The following DYNLT2 variants were observed in gnomAD, a reference collection of about 807,000 sequenced individuals.
DYNLT2 encodes dynein light chain Tctex-type protein 2.
A neutral mutation model predicts 24.3 loss-of-function variants in DYNLT2; 24 were observed. The ratio of observed to expected loss-of-function variants is 0.99; its 90% CI spans 0.71 to 1.39. DYNLT2 has a LOEUF of 1.39. Among genes scored for constraint, DYNLT2 ranks in the 40% most tolerant of loss-of-function variants. The pLI, the probability that DYNLT2 is intolerant of heterozygous loss-of-function variation, is 0.00. For missense variants in DYNLT2, 246 were observed against 234.5 expected, an observed-to-expected ratio of 1.05 and a Z score of -0.32; for synonymous variants, 85 against 85.4, an observed-to-expected ratio of 1.00 and a Z score of 0.03.
chr6:169,725,428 C>A, the DYNLT2 span: 1 of 397,794 alleles, frequency 2.5e-6, no homozygotes, highest in East Asian at 3.6e-5. Context: ...TGCCTCAGGT[C>A]AGAGAGGTCA....
In DYNLT2 at chr6:169,744,083, G is replaced by A; in HGVS notation, c.312C>T (p.Val104=). Residue 104 remains valine (V), a synonymous_variant, in exon 2 of 4, where the codon GTC becomes GTT. Coordinates refer to ENST00000366774, the MANE Select transcript of DYNLT2 (RefSeq NM_174910.3). ...ATCAACCTACTGTTAGTATCTGCTG[G>A]ACTTTAGTTTCTACTGAATGAGCTT... ...KFQAHSVETK[V]QQILTESLKD... The A allele has an allele frequency of 6.2e-7, 1 of 1,612,068 alleles. No individual in the cohort carries two copies.
At chr6:169,727,845 G>A in the DYNLT2 span, among the ~76,000 whole-genome samples, 1 of 152,290 alleles carries the variant, frequency 6.6e-6, no homozygotes, top group Non-Finnish European at 1.5e-5. Context: ...TTACAGGCGT[G>A]AGCCACTGCA....
the DYNLT2 span, among the ~76,000 whole-genome samples, chr6:169,734,614 C>G: frequency 2.6e-5 from 4 of 152,204 alleles, no homozygotes; most frequent in African/African-American, 9.6e-5. Context: ...GTTGAACCAG[C>G]CTTGCATCCC....
At chr6:169,740,806 C>T (rs534084032) in intron 3 of DYNLT2, among the ~76,000 whole-genome samples, 2 of 128,376 alleles carry the variant, frequency 1.6e-5, no homozygotes, top group East Asian at 4.4e-4. Context: ...CTAAAATGGC[C>T]CCAATTTTTT....
chr6:169,747,167 C>A (rs1789826444), intron 1 of DYNLT2, among the ~76,000 whole-genome samples: 1 of 151,920 alleles, frequency 6.6e-6, no homozygotes, highest in Non-Finnish European at 1.5e-5. Context: ...TGCATTGTTT[C>A]TGAGAAGTAT....
chr6:169,732,751 G>T, the DYNLT2 span, among the ~76,000 whole-genome samples: 1 of 152,146 alleles, frequency 6.6e-6, no homozygotes, highest in African/African-American at 2.4e-5. Context: ...ACATACATGT[G>T]CATGTGTCTT....
chr6:169,726,218 A>G, the DYNLT2 span, among the ~76,000 whole-genome samples: 2 of 152,230 alleles, frequency 1.3e-5, no homozygotes, highest in Admixed American at 6.5e-5. Flanking sequence ...TATAGATTAG[A>G]TCCCTGCCTA....
At chr6:169,747,388 A>T (rs1038498607) in intron 1 of DYNLT2, among the ~76,000 whole-genome samples, 2 of 146,380 alleles carry the variant, frequency 1.4e-5, no homozygotes, top group African/African-American at 2.7e-5. Flanking sequence ...TATTTCTTCC[A>T]GTACTTTTTG....
chr6:169,750,294 G>A (rs959939294), intron 1 of DYNLT2: 3 of 152,172 alleles, frequency 2.0e-5, no homozygotes, highest in African/African-American at 4.8e-5. Flanking sequence ...AAGAAATACA[G>A]CATAGTGTTT....
At chr6:169,733,167 T>C in the DYNLT2 span, among the ~76,000 whole-genome samples, 1 of 152,152 alleles carries the variant, frequency 6.6e-6, no homozygotes, top group East Asian at 1.9e-4. Context: ...TTAAGTACCT[T>C]GCAAATTATG....
downstream of DYNLT2, chr6:169,739,975 A>T (rs2128335113): frequency 4.0e-6 from 2 of 502,012 alleles, no homozygotes; most frequent in East Asian, 6.3e-5. Context: ...CTTTTATACT[A>T]CTTTGGCATA....
At chr6:169,725,853 A>C in the DYNLT2 span, 2 of 146,538 alleles carry the variant, frequency 1.4e-5, no homozygotes, top group Non-Finnish European at 3.1e-5. Flanking sequence ...AAAACTACAC[A>C]AAAAAATGCT....
At chr6:169,742,120 T>C (rs949827641) in intron 3 of DYNLT2, among the ~76,000 whole-genome samples, 1 of 152,276 alleles carries the variant, frequency 6.6e-6, no homozygotes, top group African/African-American at 2.4e-5. Context: ...AGCCTAGTGA[T>C]ATTATCTCTT....
At chr6:169,729,838 G>A in the DYNLT2 span, among the ~76,000 whole-genome samples, 1 of 151,260 alleles carries the variant, frequency 6.6e-6, no homozygotes, top group East Asian at 1.9e-4. Context: ...ACATAACCAG[G>A]AAGAGGGCCC....
rs199908545 is a variant in DYNLT2 at position 169,743,067 on chromosome 6, A to G, written c.486+13T>C. The G allele has an allele frequency of 4.1e-5, 63 of 1,522,148 alleles. No homozygotes were observed. Among genetic ancestry groups the G allele is most frequent in the Admixed American group, 1.3e-4 (7 of 54,430 alleles). The allele number at this position is 1,522,148 out of a possible 1,614,324, so 94.3% of individuals were successfully genotyped here. On this transcript the variant is annotated intron_variant, in intron 3 of 3. Transcript: ENST00000366774. ...GTTCTAATTGCTAGATCCTGTATCA[A>G]TGGGGTACTTACATTTATTGCTTGG...
chr6:169,751,422 T>C lies in DYNLT2; in HGVS notation c.37A>G (p.Ile13Val). 2 of 1,614,124 alleles carry C rather than the reference T, an allele frequency of 1.2e-6. No individual in the cohort carries two copies. Among genetic ancestry groups the C allele is most frequent in the Non-Finnish European group, 1.7e-6 (2 of 1,180,010 alleles). ...KRGRGVKSSP[I>V]QTPNQTPQQA... ...TGAGGGGTCTGGTTCGGGGTCTGGA[T>C]GGGGCTCGACTTCACGCCTCGGCCT... Residue 13 changes from isoleucine to valine, a missense_variant, in exon 1 of 4, where the codon ATC becomes GTC. Transcript: ENST00000366774.
downstream of DYNLT2, chr6:169,739,993 G>T: frequency 1.9e-6 from 1 of 528,420 alleles, no homozygotes; most frequent in Non-Finnish European, 3.3e-6. Context: ...ATAATATTAT[G>T]TTAGTTAATA....
At chr6:169,747,808 G>A (rs997070919) in intron 1 of DYNLT2, among the ~76,000 whole-genome samples, 29 of 151,908 alleles carry the variant, frequency 1.9e-4, no homozygotes, top group Admixed American at 2.0e-4. Context: ...CTTTATTTTC[G>A]TGCTTTTCTG....
chr6:169,736,467 A>C (rs939327967), downstream of DYNLT2, among the ~76,000 whole-genome samples: 15 of 151,832 alleles, frequency 9.9e-5, no homozygotes, highest in Non-Finnish European at 1.9e-4. Context: ...TTTCCTTTCC[A>C]TATTTAGTGC....
Sources: gnomAD v4.1 joint callset for allele counts (sites outside exome capture counted in the v4.1 genomes callset) on GRCh38, gnomAD v4.1.1 for gene constraint, MANE v1.5 for transcripts, NCBI Gene and HGNC (gene_info 2026-07-23, HGNC 2026-07-21) for gene names.